Variants in GALNT17 observed in about 807,000 individuals in gnomAD.
GALNT17 encodes polypeptide N-acetylgalactosaminyltransferase 17.
A neutral mutation model predicts 63.7 loss-of-function variants in GALNT17; 29 were observed. The ratio of observed to expected loss-of-function variants is 0.46; its 90% CI spans 0.34 to 0.62. The LOEUF (loss-of-function observed/expected upper bound fraction) is 0.62. GALNT17 is among the 20% of genes least tolerant of loss of function. GALNT17 has a pLI of 0.01. For missense variants in GALNT17, 603 were observed against 799.6 expected (o/e 0.75, Z 2.97); for synonymous variants, 305 against 318.3 (o/e 0.96, Z 0.45).
chr7:71,373,287 C>CT (rs1293717327), intron 2 of GALNT17, among the ~76,000 whole-genome samples: 1 of 152,124 alleles, frequency 6.6e-6, no homozygotes, highest in Non-Finnish European at 1.5e-5. Context: ...GAAACAGGTT[C>CT]TTTCTTTTAT....
At chr7:71,667,904 A>T (rs1157228562) in intron 7 of GALNT17, among the ~76,000 whole-genome samples, 1 of 151,898 alleles carries the variant, frequency 6.6e-6, no homozygotes, top group African/African-American at 2.4e-5. Flanking sequence ...GGTTCAAGCC[A>T]TCCTCCCACC....
intron 5 of GALNT17, among the ~76,000 whole-genome samples, chr7:71,444,446 C>T (rs146698620): frequency 6.6e-6 from 1 of 152,252 alleles, no homozygotes; most frequent in African/African-American, 2.4e-5. Flanking sequence ...GATATAGACA[C>T]CTGCAGGCAG....
intron 5 of GALNT17, among the ~76,000 whole-genome samples, chr7:71,422,200 C>T (rs1265317864): frequency 1.3e-5 from 2 of 152,070 alleles, no homozygotes; most frequent in Non-Finnish European, 2.9e-5. Flanking sequence ...GATCCATGTC[C>T]TTGCCTTTTC....
chr7:71,636,388 G>A (rs532000153), intron 6 of GALNT17, among the ~76,000 whole-genome samples: 7 of 152,246 alleles, frequency 4.6e-5, no homozygotes, highest in African/African-American at 1.7e-4. Context: ...AGGCTCCCAA[G>A]GAAGGAGGAT....
chr7:71,443,301 A>C (rs920541999), intron 5 of GALNT17, among the ~76,000 whole-genome samples: 2 of 152,050 alleles, frequency 1.3e-5, no homozygotes, highest in African/African-American at 2.4e-5. Flanking sequence ...TTTGTGATCA[A>C]GGGGAAGCAT....
chr7:71,569,475 T>C (rs1195287984), intron 5 of GALNT17, among the ~76,000 whole-genome samples: 2 of 152,172 alleles, frequency 1.3e-5, no homozygotes, highest in African/African-American at 2.4e-5. Context: ...TTACCATCTT[T>C]ATGCCTGTGT....
At chr7:71,480,317 C>T (rs1787796504) in intron 5 of GALNT17, among the ~76,000 whole-genome samples, 1 of 151,724 alleles carries the variant, frequency 6.6e-6, no homozygotes, top group Admixed American at 6.6e-5. Flanking sequence ...AGGTGTGCCC[C>T]ACCACACCTG....
intron 1 of GALNT17, among the ~76,000 whole-genome samples, chr7:71,208,128 G>T (rs553162267): frequency 6.6e-6 from 1 of 152,102 alleles, no homozygotes; most frequent in East Asian, 1.9e-4. Context: ...GAAGAGATGG[G>T]TTTTCTTCAT....
At chr7:71,688,528 C>T (rs948247739) in intron 9 of GALNT17, among the ~76,000 whole-genome samples, 7 of 136,154 alleles carry the variant, frequency 5.1e-5, no homozygotes, top group Non-Finnish European at 1.1e-4. Context: ...CTCCCAATTC[C>T]GTTTTTCTAA....
intron 1 of GALNT17, among the ~76,000 whole-genome samples, chr7:71,266,272 A>G (rs947006635): frequency 2.6e-5 from 4 of 152,098 alleles, no homozygotes; most frequent in Non-Finnish European, 1.5e-5. Flanking sequence ...GTCCCAACCC[A>G]AATCTTATCT....
chr7:71,153,149 T>TC (rs5884826), intron 1 of GALNT17, among the ~76,000 whole-genome samples: 54,183 of 151,914 alleles, frequency 0.36, 10,145 homozygotes, highest in African/African-American at 0.42. Flanking sequence ...ATCTCAAACT[T>TC]CCTTTGGCTA....
intron 6 of GALNT17, among the ~76,000 whole-genome samples, chr7:71,598,714 G>A (rs1032574786): frequency 2.6e-5 from 4 of 152,300 alleles, no homozygotes; most frequent in Admixed American, 6.5e-5. Context: ...TTTATTGAGC[G>A]TCTACTAGGT....
intron 5 of GALNT17, among the ~76,000 whole-genome samples, chr7:71,430,130 A>G (rs931390176): frequency 6.6e-6 from 1 of 152,138 alleles, no homozygotes; most frequent in African/African-American, 2.4e-5. Flanking sequence ...TATGAGCAAG[A>G]GCCACTGCAC....
rs1404961742 is a variant in GALNT17 at position 71,132,446 on chromosome 7, G to C, written c.-357G>C. ...CCCGCCTGCCGGCCTCGGAGTCCGCGGCGCCGGCGGCTAGAGGTCCAGAGG... is the reference window on the plus strand; with the variant it reads ...CCCGCCTGCCGGCCTCGGAGTCCGCCGCGCCGGCGGCTAGAGGTCCAGAGG... On this transcript the variant is annotated 5_prime_UTR_variant, in exon 1 of 11. Transcript: ENST00000333538. 5.8e-6 allele frequency: 1 copy of C among 173,638 alleles called. No individual in the cohort carries two copies. The highest frequency in any genetic ancestry group is 1.2e-5 in the Non-Finnish European group (1 of 82,762). The allele number at this position is 173,638 out of a possible 1,614,324, so 10.8% of individuals were successfully genotyped here. A position where few individuals can be genotyped will look rare whatever the true frequency, so the allele number is the denominator to read the frequency against.
intron 5 of GALNT17, among the ~76,000 whole-genome samples, chr7:71,423,375 C>G (rs768519929): frequency 6.6e-6 from 1 of 152,140 alleles, no homozygotes. Context: ...GTTGAAAACC[C>G]TCTGATCCCC....
intron 8 of GALNT17, among the ~76,000 whole-genome samples, chr7:71,673,455 A>T (rs73354130): frequency 0.04 from 6,075 of 152,272 alleles, 391 homozygotes; most frequent in African/African-American, 0.14. Context: ...TTAGATTGGA[A>T]GCAAGTGTGA....
intron 1 of GALNT17, among the ~76,000 whole-genome samples, chr7:71,260,819 G>A (rs189332152): frequency 2.0e-5 from 3 of 151,966 alleles, no homozygotes; most frequent in African/African-American, 7.2e-5. Context: ...GCCCAGGCTG[G>A]CCTCGAACTC....
chr7:71,564,232 T>A (rs117253728), intron 5 of GALNT17, among the ~76,000 whole-genome samples: 3,255 of 151,868 alleles, frequency 0.021, 45 homozygotes, highest in Non-Finnish European at 0.035. Context: ...GTAAGCAGAT[T>A]TTGATCGTGA....
intron 1 of GALNT17, among the ~76,000 whole-genome samples, chr7:71,302,305 A>G (rs1360365844): frequency 6.6e-6 from 1 of 152,222 alleles, no homozygotes; most frequent in East Asian, 1.9e-4. Context: ...GCACATGTTT[A>G]TGTATGTAAC....
Sources: allele counts gnomAD v4.1 joint callset (sites outside exome capture counted in the v4.1 genomes callset), GRCh38; gene constraint gnomAD v4.1.1; transcripts MANE v1.5; gene names NCBI Gene and HGNC (gene_info 2026-07-23, HGNC 2026-07-21).